The following MAP3K2 variants were observed in gnomAD, a reference collection of about 807,000 sequenced individuals.
The protein encoded by MAP3K2 is mitogen-activated protein kinase kinase kinase 2.
Under a neutral mutation model 80.3 loss-of-function variants are expected in MAP3K2, and 24 were observed. The ratio of observed to expected loss-of-function variants is 0.30; its 90% CI spans 0.22 to 0.42. The LOEUF (loss-of-function observed/expected upper bound fraction) is 0.42. Ranked by LOEUF, MAP3K2 falls within the 10% of genes least tolerant of loss-of-function variation. The probability of loss-of-function intolerance (pLI) is 1.00; values close to 1 mark genes in which losing one functional copy is unlikely to be tolerated. For missense variants in MAP3K2, 608 were observed against 750.1 expected, an observed-to-expected ratio of 0.81 and a Z score of 2.21; for synonymous variants, 244 against 253.7, an observed-to-expected ratio of 0.96 and a Z score of 0.36.
chr2:127,325,641 T>C, intron 9 of MAP3K2, 87 bp downstream of exon 9: 1 of 1,023,794 alleles, frequency 9.8e-7, no homozygotes, highest in Non-Finnish European at 1.5e-6. Context: ...TAAGCCGCAT[T>C]CACGCCACTG....
intron 1 of MAP3K2, among the ~76,000 whole-genome samples, chr2:127,350,590 A>G (rs970656224): frequency 6.6e-6 from 1 of 152,062 alleles, no homozygotes; most frequent in Non-Finnish European, 1.5e-5. Flanking sequence ...AAAATTAGAA[A>G]GACCACCATT....
At chr2:127,378,869 C>CAATCCTCCCACCTCAGCCTTTTGAGT (rs1157287309) in intron 1 of MAP3K2, among the ~76,000 whole-genome samples, 3 of 152,032 alleles carry the variant, frequency 2.0e-5, no homozygotes, top group African/African-American at 4.8e-5. Context: ...TGGGCTCAAG[C>CAATCCTCCCACCTCAGCCTTTTGAGT]AATCCTCCCA....
rs79789049 is a variant in MAP3K2 at position 127,387,896 on chromosome 2, G to A, written c.-510C>T. 347,674 of 984,306 alleles carry A rather than the reference G, an allele frequency of 0.35. 62,675 individuals are homozygous for A. Among genetic ancestry groups the A allele is most frequent in the East Asian group, 0.62 (5,384 of 8,690 alleles). 61.0% of individuals were successfully genotyped at this position (984,306 alleles called of 1,614,324 possible). On this transcript the variant is annotated 5_prime_UTR_variant, in exon 1 of 17. Transcript: ENST00000682094. Reference sequence around the variant, plus strand: ...GGGCCGTGCAACCCCCGAACGCTGCGCCCAGCGGCCGCGGCACCCTCGTCA... The same window carrying A: ...GGGCCGTGCAACCCCCGAACGCTGCACCCAGCGGCCGCGGCACCCTCGTCA...
At chr2:127,312,973 A>T (rs914633304) in intron 15 of MAP3K2, among the ~76,000 whole-genome samples, 53 of 152,170 alleles carry the variant, frequency 3.5e-4, no homozygotes, top group Non-Finnish European at 5.6e-4. Flanking sequence ...CTTAAAAAAA[A>T]AAAAAATAAA....
intron 1 of MAP3K2, among the ~76,000 whole-genome samples, chr2:127,358,382 AAAACT>A (rs1357976149): frequency 1.3e-5 from 2 of 152,224 alleles, no homozygotes; most frequent in African/African-American, 4.8e-5. Flanking sequence ...AGTTTCTCAC[AAAACT>A]AAACATACTC....
intron 1 of MAP3K2, among the ~76,000 whole-genome samples, chr2:127,374,831 G>A (rs1687122569): frequency 6.6e-6 from 1 of 152,098 alleles, no homozygotes; most frequent in Non-Finnish European, 1.5e-5. Flanking sequence ...TGTCACACAT[G>A]GAACATCCAA....
chr2:127,335,891 A>G lies in MAP3K2; in HGVS notation c.243T>C (p.Asp81=), dbSNP rs1490666841. The change falls in exon 5 of 17, where the codon GAT becomes GAC. Residue 81 remains aspartate (D), a synonymous_variant. Coordinates refer to ENST00000682094, the MANE Select transcript of MAP3K2 (RefSeq NM_001371910.2). The part of the protein sequence containing the change: ...KAKIAFGQSM[D]LHYTNNELVI... Reference sequence around the variant, plus strand: ...TTACCTCGTTATTGGTATAATGTAGATCCATAGACTGTCCAAAGGCAATTT... The same window carrying G: ...TTACCTCGTTATTGGTATAATGTAGGTCCATAGACTGTCCAAAGGCAATTT... 1.3e-6 allele frequency: 2 copies of G among 1,564,322 alleles called. No individual in the cohort carries two copies. The highest frequency in any genetic ancestry group is 1.9e-5 in the Admixed American group (1 of 53,868).
At chr2:127,323,443 G>C (rs1262459125) in intron 11 of MAP3K2, among the ~76,000 whole-genome samples, 1 of 152,004 alleles carries the variant, frequency 6.6e-6, no homozygotes, top group Non-Finnish European at 1.5e-5. Flanking sequence ...CCAGCACTTT[G>C]GGAGGCTGAG....
intron 12 of MAP3K2, among the ~76,000 whole-genome samples, chr2:127,319,658 A>G (rs1335154976): frequency 7.0e-6 from 1 of 142,158 alleles, no homozygotes; most frequent in Non-Finnish European, 1.5e-5. Flanking sequence ...TACAAAAAAA[A>G]AAAAAAAAAA....
intron 10 of MAP3K2, 30 bp downstream of exon 10, chr2:127,324,143 AT>A: frequency 7.0e-7 from 1 of 1,428,092 alleles, no homozygotes. Flanking sequence ...TGACATAAAC[AT>A]TTAAACATTT....
chr2:127,334,846 T>C (rs1032304481), intron 5 of MAP3K2, among the ~76,000 whole-genome samples: 2 of 150,996 alleles, frequency 1.3e-5, no homozygotes, highest in Non-Finnish European at 2.9e-5. Context: ...TATCAGCTCA[T>C]TGCAACCTCT....
chr2:127,377,361 A>G (rs1273489415), intron 1 of MAP3K2, among the ~76,000 whole-genome samples: 1 of 151,570 alleles, frequency 6.6e-6, no homozygotes, highest in Admixed American at 6.6e-5. Flanking sequence ...TATAAAAGCT[A>G]TTTAGAATAG....
chr2:127,312,457 GTA>G (rs1412085008), intron 15 of MAP3K2, among the ~76,000 whole-genome samples: 2 of 152,086 alleles, frequency 1.3e-5, no homozygotes, highest in Non-Finnish European at 2.9e-5. Context: ...TACAGAAAAA[GTA>G]TATAGGAGCT....
Position 127,299,596 on chromosome 2 carries a change from G to A in MAP3K2, c.*7983C>T, listed in dbSNP as rs1212362366. ...ATTCAAAGGCCATTTTTAGCGGTGT[G>A]TTTTTGCTACTGCTTAAAACCTATT... is the stretch of plus-strand genomic sequence containing the variant. On this transcript the variant is annotated 3_prime_UTR_variant, in exon 17 of 17. Transcript: ENST00000682094. 6.6e-6 allele frequency: 1 copy of A among 152,072 alleles called. No homozygotes were observed. Among genetic ancestry groups the A allele is most frequent in the African/African-American group, 2.4e-5 (1 of 41,422 alleles). 9.4% of individuals were successfully genotyped at this position (152,072 alleles called of 1,614,324 possible).
At chr2:127,325,505 C>T (rs180686283) in intron 9 of MAP3K2, among the ~76,000 whole-genome samples, 3 of 151,996 alleles carry the variant, frequency 2.0e-5, no homozygotes, top group Non-Finnish European at 2.9e-5. Context: ...AAAGTGAGAC[C>T]CCCATCTCTA....
chr2:127,334,774 A>AT (rs11378420), intron 5 of MAP3K2, among the ~76,000 whole-genome samples: 128,316 of 141,330 alleles, frequency 0.91, 58,335 homozygotes, highest in East Asian at 0.99. Flanking sequence ...TACTTTATGC[A>AT]TTTTTTTTTT....
intron 1 of MAP3K2, chr2:127,378,169 C>T (rs1687181360): frequency 1.0e-6 from 1 of 984,314 alleles, no homozygotes; most frequent in South Asian, 4.7e-5. Context: ...ACTACACATC[C>T]TCAAGGAACC....
intron 1 of MAP3K2, among the ~76,000 whole-genome samples, chr2:127,371,318 C>T (rs946591484): frequency 1.3e-5 from 2 of 152,266 alleles, no homozygotes; most frequent in Admixed American, 6.5e-5. Context: ...CCAGGGGAGG[C>T]GTCCCCATGC....
chr2:127,377,162 A>G (rs950171816), intron 1 of MAP3K2, among the ~76,000 whole-genome samples: 1 of 152,186 alleles, frequency 6.6e-6, no homozygotes, highest in Non-Finnish European at 1.5e-5. Context: ...ACTCTCCCAT[A>G]TTACTTCTCT....
Sources: gnomAD v4.1 joint callset for allele counts (sites outside exome capture counted in the v4.1 genomes callset) on GRCh38, gnomAD v4.1.1 for gene constraint, MANE v1.5 for transcripts, NCBI Gene and HGNC (gene_info 2026-07-23, HGNC 2026-07-21) for gene names.